Variants in RUNX3 observed in about 807,000 individuals in gnomAD.
The protein encoded by RUNX3 is RUNX family transcription factor 3, also known as runt-related transcription factor 3.
Under a neutral mutation model 27.7 loss-of-function variants are expected in RUNX3, and 10 were observed. The ratio of observed to expected loss-of-function variants is 0.36; its 90% CI spans 0.22 to 0.61. The LOEUF is 0.61. Among genes scored for constraint, RUNX3 ranks in the 20% least tolerant of loss-of-function variants. The probability of loss-of-function intolerance (pLI) is 0.72; values close to 1 mark genes in which losing one functional copy is unlikely to be tolerated. For synonymous variants in RUNX3, 270 were observed against 269.2 expected (o/e 1.00, Z -0.03); for missense variants, 469 against 629.5 (o/e 0.75, Z 2.73).
intron 2 of RUNX3, chr1:24,961,678 A>G (rs1042633923): frequency 3.3e-5 from 5 of 152,192 alleles, no homozygotes; most frequent in African/African-American, 1.2e-4. Flanking sequence ...CAAACCCTAG[A>G]GATTCTGATT....
At chr1:24,950,943 C>CA (rs950733862) in intron 2 of RUNX3, among the ~76,000 whole-genome samples, 66 of 152,110 alleles carry the variant, frequency 4.3e-4, no homozygotes, top group Non-Finnish European at 2.4e-4. Flanking sequence ...CGTGGTGGCT[C>CA]ACGCCTGTAA....
chr1:24,903,750 G>A (rs570974231), intron 4 of RUNX3, among the ~76,000 whole-genome samples: 5 of 152,316 alleles, frequency 3.3e-5, no homozygotes, highest in Admixed American at 3.3e-4. Context: ...GAGCTGTCCC[G>A]TCTTTGAGGC....
At chr1:24,936,400 CACTCT>C (rs1429965326) in intron 2 of RUNX3, among the ~76,000 whole-genome samples, 1 of 152,210 alleles carries the variant, frequency 6.6e-6, no homozygotes, top group Non-Finnish European at 1.5e-5. Flanking sequence ...CTGCCCACTA[CACTCT>C]ACTCTTGTGG....
rs1269884415 is a variant in RUNX3 at position 24,923,296 on chromosome 1, G to A, written c.440-3952C>T. On this transcript the variant is annotated intron_variant, in intron 2 of 4. Coordinates refer to ENST00000308873, the MANE Select transcript of RUNX3 (RefSeq NM_004350.3). This position sits in a 1 kb window ranked among gnomAD's most constrained non-coding sequence, Gnocchi z 5.9. ...GGAGTCCTGGACCTCGGGAGACAGG[G>A]AGCCTGGGGAGCAGGGGTGGGAGAA... Among the ~76,000 whole-genome samples, 2 of 152,084 alleles carry A rather than the reference G, an allele frequency of 1.3e-5. No homozygotes were observed. The highest frequency in any genetic ancestry group is 4.8e-5 in the African/African-American group (2 of 41,398).
intron 4 of RUNX3, among the ~76,000 whole-genome samples, chr1:24,905,849 G>C (rs116614748): frequency 6.6e-6 from 1 of 152,248 alleles, no homozygotes; most frequent in Admixed American, 6.5e-5. Flanking sequence ...GCAGCTACGC[G>C]GCAGGGGTGG....
At chr1:24,905,209 T>C (rs1196905319) in intron 4 of RUNX3, among the ~76,000 whole-genome samples, 3 of 151,850 alleles carry the variant, frequency 2.0e-5, no homozygotes, top group Non-Finnish European at 4.4e-5. Flanking sequence ...CCTGTGAGAG[T>C]GACTTCCCAA....
At chr1:24,942,644 C>T (rs1158769195) in intron 2 of RUNX3, among the ~76,000 whole-genome samples, 1 of 152,166 alleles carries the variant, frequency 6.6e-6, no homozygotes, top group Non-Finnish European at 1.5e-5. Context: ...TGCCTTCTCC[C>T]CACTCCTCTG....
chr1:24,962,993 C>T lies in RUNX3; in HGVS notation c.58+1521G>A, dbSNP rs1642158476. 1 of 152,208 alleles carries T rather than the reference C, an allele frequency of 6.6e-6. No homozygotes were observed. The highest frequency in any genetic ancestry group is 6.5e-5 in the Admixed American group (1 of 15,290). The allele number at this position is 152,208 out of a possible 1,614,324, so 9.4% of individuals were successfully genotyped here. On this transcript the variant is annotated intron_variant, in intron 2 of 6. Transcript: ENST00000338888. The surrounding 1 kb of genome is among the most constrained non-coding windows in gnomAD (Gnocchi z 4.5). ...GCCACAGAACTGCCTTTAATTAGCT[C>T]CGAGGACTACAAAGGGAACAACGTT...
chr1:24,912,344 C>T (rs1640812150), intron 3 of RUNX3, among the ~76,000 whole-genome samples: 2 of 152,204 alleles, frequency 1.3e-5, no homozygotes, highest in Non-Finnish European at 2.9e-5. Flanking sequence ...AGGGCCCACC[C>T]ACTACCACTT....
At position 24,947,488 on chromosome 1, in the gene RUNX3, A is replaced by G. The variant is rs575658156; in HGVS notation, c.58+17026T>C. Among the ~76,000 whole-genome samples the G allele has an allele frequency of 1.6e-4, 24 of 152,282 alleles. No homozygotes were observed. The East Asian group carries it at 4.2e-3, about 27-fold the overall frequency. On this transcript the variant is annotated intron_variant, in intron 2 of 6. Coordinates refer to the RUNX3 transcript ENST00000338888. ...AGTCAAAGAGAGAGAGAACCCTGCC[A>G]GATGGGCCAGCTCACCACAAGCAGC...
intron 2 of RUNX3, among the ~76,000 whole-genome samples, chr1:24,960,515 C>G (rs914036967): frequency 1.3e-5 from 2 of 152,188 alleles, no homozygotes; most frequent in African/African-American, 4.8e-5. Flanking sequence ...CGTTTGCCCC[C>G]CCGCCGCCCC....
At chr1:24,939,197 GCACA>G (rs1311821612) in intron 2 of RUNX3, among the ~76,000 whole-genome samples, 2 of 152,198 alleles carry the variant, frequency 1.3e-5, no homozygotes, top group East Asian at 3.9e-4. Flanking sequence ...CACGCAGAGT[GCACA>G]CACACACGCA....
At chr1:24,949,482 C>T (rs974901400) in intron 2 of RUNX3, among the ~76,000 whole-genome samples, 27 of 152,160 alleles carry the variant, frequency 1.8e-4, no homozygotes, top group Admixed American at 1.7e-3. Context: ...CGGATGTGAA[C>T]GAGACAGAGA....
At chr1:24,935,793 A>G (rs1422991715) in intron 2 of RUNX3, among the ~76,000 whole-genome samples, 1 of 152,178 alleles carries the variant, frequency 6.6e-6, no homozygotes, top group Non-Finnish European at 1.5e-5. Context: ...TTTTCCGCCA[A>G]TTGTCGCTCA....
Position 24,899,811 on chromosome 1 carries a change from C to T in RUNX3, c.*2311G>A, listed in dbSNP as rs1466957805. ...CTATATCAAAACGTCTTCCTTTCCT[C>T]GTGCTTCCTACATCAGTGTGTTTGC... On this transcript the variant is annotated 3_prime_UTR_variant, in exon 5 of 5. Coordinates refer to ENST00000308873, the MANE Select transcript of RUNX3 (RefSeq NM_004350.3). 1 of 152,468 alleles carries T rather than the reference C, an allele frequency of 6.6e-6. No homozygotes were observed. The highest frequency in any genetic ancestry group is 6.5e-5 in the Admixed American group (1 of 15,282). The allele number at this position is 152,468 out of a possible 1,614,324, so 9.4% of individuals were successfully genotyped here.
At chr1:24,914,001 G>A (rs994763967) in intron 3 of RUNX3, among the ~76,000 whole-genome samples, 3 of 152,220 alleles carry the variant, frequency 2.0e-5, no homozygotes, top group South Asian at 2.1e-4. Context: ...TATCACCCCC[G>A]TTTTACAGAT....
rs201780798 is a variant in RUNX3 at position 24,927,753 on chromosome 1, T to C, written c.283-23A>G. ...CACCTGAAGACACGGGGCGGGGGGATGCAGGGGGACAGCTTAGAAAGGAAG... is the reference window on the plus strand; with the variant it reads ...CACCTGAAGACACGGGGCGGGGGGACGCAGGGGGACAGCTTAGAAAGGAAG... On this transcript the variant is annotated intron_variant, in intron 1 of 4. Coordinates refer to ENST00000308873, the MANE Select transcript of RUNX3 (RefSeq NM_004350.3). This position sits in a 1 kb window ranked among gnomAD's most constrained non-coding sequence, Gnocchi z 5.0. 9.3e-6 allele frequency: 15 copies of C among 1,611,700 alleles called. No individual in the cohort carries two copies. The East Asian group carries it at 3.3e-4, about 36-fold the overall frequency.
At chr1:24,946,847 C>T (rs1173764313) in intron 2 of RUNX3, among the ~76,000 whole-genome samples, 1 of 152,184 alleles carries the variant, frequency 6.6e-6, no homozygotes, top group Non-Finnish European at 1.5e-5. Context: ...AGTATTCCAC[C>T]TCCTCCAGAG....
At chr1:24,908,198 CGAACCTCTACGACACGCGGTGATCT>C (rs1557837347) in intron 3 of RUNX3, among the ~76,000 whole-genome samples, 11 of 132,582 alleles carry the variant, frequency 8.3e-5, no homozygotes, top group East Asian at 4.7e-4. Context: ...CGCGGTGATC[CGAACCTCTACGACACGCGGTGATCT>C]GAACCTCTAT....
Sources: allele counts gnomAD v4.1 joint callset (sites outside exome capture counted in the v4.1 genomes callset), GRCh38; gene constraint gnomAD v4.1.1; non-coding constraint Gnocchi (gnomAD v3.1); transcripts MANE v1.5; gene names NCBI Gene and HGNC (gene_info 2026-07-23, HGNC 2026-07-21).